Variants in HARBI1 observed in about 807,000 individuals in gnomAD.
HARBI1 encodes the protein harbinger transposase derived 1.
Under a neutral mutation model 25.3 loss-of-function variants are expected in HARBI1, and 15 were observed. That is an observed-to-expected ratio of 0.59 (90% confidence interval 0.40 to 0.91). The LOEUF is 0.91. Ranked by LOEUF, HARBI1 falls within the 40% of genes least tolerant of loss-of-function variation. The probability of loss-of-function intolerance (pLI) is 0.00; values close to 1 mark genes in which losing one functional copy is unlikely to be tolerated. For missense variants in HARBI1, 396 were observed against 445.8 expected, an observed-to-expected ratio of 0.89 and a Z score of 1.01; for synonymous variants, 168 against 160.5, an observed-to-expected ratio of 1.05 and a Z score of -0.35.
Position 46,603,542 on chromosome 11 carries a change from A to G in HARBI1, c.1038T>C (p.Thr346=). 6.3e-7 allele frequency: 1 copy of G among 1,588,466 alleles called. No individual in the cohort carries two copies. The highest frequency in any genetic ancestry group is 8.6e-7 in the Non-Finnish European group (1 of 1,164,866). ...ADRIRQELML[T]HFS ...TCCACCTTCTACATTAGCTAAAATG[A>G]GTGAGCATTAGCTCCTGACGAATAC... Residue 346 remains threonine, a synonymous_variant, in exon 3 of 3, where the codon ACT becomes ACC. Coordinates refer to ENST00000326737, the MANE Select transcript of HARBI1 (RefSeq NM_173811.4).
chr11:46,604,856 G>A (rs986012701), intron 2 of HARBI1, among the ~76,000 whole-genome samples: 3 of 152,142 alleles, frequency 2.0e-5, no homozygotes, highest in African/African-American at 7.2e-5. Flanking sequence ...AATGAATTCA[G>A]AAGTCAATTA....
At chr11:46,611,775 A>AAGT (rs918090035) in intron 2 of HARBI1, among the ~76,000 whole-genome samples, 3 of 152,090 alleles carry the variant, frequency 2.0e-5, no homozygotes, top group Non-Finnish European at 4.4e-5. Flanking sequence ...CTTGGAACCC[A>AAGT]AGTACTCCCA....
chr11:46,615,588 T>C lies in HARBI1; in HGVS notation c.650A>G (p.His217Arg). 2 of 1,614,046 alleles carry C rather than the reference T, an allele frequency of 1.2e-6. No homozygotes were observed. Among genetic ancestry groups the C allele is most frequent in the Non-Finnish European group, 1.7e-6 (2 of 1,179,942 alleles). Residue 217 changes from histidine to arginine, a missense_variant, in exon 2 of 3, where the codon CAC becomes CGC. Coordinates refer to ENST00000326737, the MANE Select transcript of HARBI1 (RefSeq NM_173811.4). ...SLSSQFEAGMHKDSWLLGDSS... is the reference protein window; with the variant it reads ...SLSSQFEAGMRKDSWLLGDSS... ...CTTACCCAGAAGCCAGCTATCTTTGTGCATACCCGCTTCAAACTGACTACT... is the reference window on the plus strand; with the variant it reads ...CTTACCCAGAAGCCAGCTATCTTTGCGCATACCCGCTTCAAACTGACTACT...
intron 1 of HARBI1, chr11:46,616,862 A>AAAAC (rs34525634): frequency 1.1e-6 from 1 of 909,012 alleles, no homozygotes; most frequent in Admixed American, 7.0e-5. Flanking sequence ...AAAAAAAAAA[A>AAAAC]CAACCAAAGT....
At chr11:46,616,900 T>C (rs1565364848) in intron 1 of HARBI1, 1 of 967,354 alleles carries the variant, frequency 1.0e-6, no homozygotes, top group Non-Finnish European at 1.2e-6. Context: ...GGACGTACAC[T>C]GTGTGCTGTA....
At chr11:46,610,745 T>C (rs2045148918) in intron 2 of HARBI1, among the ~76,000 whole-genome samples, 1 of 152,188 alleles carries the variant, frequency 6.6e-6, no homozygotes, top group South Asian at 2.1e-4. Flanking sequence ...GAGAGGGGCA[T>C]CAGAAAAGTT....
Position 46,616,167 on chromosome 11 carries a change from C to T in HARBI1, c.71G>A (p.Arg24His), listed in dbSNP as rs914599692. 3.1e-6 allele frequency: 5 copies of T among 1,613,794 alleles called. No homozygotes were observed. Among genetic ancestry groups the T allele is most frequent in the Non-Finnish European group, 4.2e-6 (5 of 1,180,044 alleles). ...ATCAGTCACATCATCCAGCTTAAAA[C>T]GGTCCAATGTCCGGTGACCACGGCC... Reference protein sequence around the residue: ...LYGRGHRTLDRFKLDDVTDEY... With the variant: ...LYGRGHRTLDHFKLDDVTDEY... The change falls in exon 2 of 3, where the codon CGT becomes CAT. Residue 24 changes from arginine (R) to histidine (H), a missense_variant. By Grantham distance (29) the Arg-to-His change is conservative. Coordinates refer to ENST00000326737, the MANE Select transcript of HARBI1 (RefSeq NM_173811.4).
rs371969577 is a variant in HARBI1, at chr11:46,603,561, C to T, written c.1019G>A (p.Arg340His). 15 of 1,607,536 alleles carry T rather than the reference C, an allele frequency of 9.3e-6. No homozygotes were observed. The highest frequency in any genetic ancestry group is 2.2e-5 in the East Asian group (1 of 44,806). ...AAAATGAGTGAGCATTAGCTCCTGA[C>T]GAATACGGTCAGCCTCTAAGTCCAG... ...ESLDLEADRI[R>H]QELMLTHFS Residue 340 changes from arginine (R) to histidine (H), a missense_variant, in exon 3 of 3, where the codon CGT (arginine) becomes CAT (histidine). Physicochemically the swap from Arg to His is conservative, Grantham distance 29. Transcript: ENST00000326737.
At position 46,603,578 on chromosome 11, in the gene HARBI1, T is replaced by C. The variant is rs2044831325; in HGVS notation, c.1002A>G (p.Leu334=). The C allele has an allele frequency of 6.2e-7, 1 of 1,613,022 alleles. No homozygotes were observed. Among genetic ancestry groups the C allele is most frequent in the Non-Finnish European group, 8.5e-7 (1 of 1,179,310 alleles). ...EEYEHMESLD[L]EADRIRQELM... is the part of the protein sequence containing the mutation. ...GCTCCTGACGAATACGGTCAGCCTC[T>C]AAGTCCAGGGACTCCATGTGCTCAT... The change falls in exon 3 of 3, where the codon TTA becomes TTG. Residue 334 remains leucine (L), a synonymous_variant. Transcript: ENST00000326737.
rs769693436 is a variant in HARBI1 at position 46,615,914 on chromosome 11, A to G, written c.324T>C (p.Thr108=). The part of the protein sequence containing the change: ...ASMSRCVANV[T]EALVERASQF... Reference sequence around the variant, plus strand: ...GTGAGGCCCTTTCCACAAGTGCTTCAGTGACATTGGCAACACAACGACTCA... The same window carrying G: ...GTGAGGCCCTTTCCACAAGTGCTTCGGTGACATTGGCAACACAACGACTCA... The change falls in exon 2 of 3, where the codon ACT becomes ACC. Residue 108 remains threonine, a synonymous_variant. Coordinates refer to ENST00000326737, the MANE Select transcript of HARBI1 (RefSeq NM_173811.4). 6 of 1,614,202 alleles carry G rather than the reference A, an allele frequency of 3.7e-6. No individual in the cohort carries two copies. The Admixed American group carries it at 1.0e-4, about 27-fold the overall frequency.
chr11:46,613,180 A>G (rs2045251280), intron 2 of HARBI1, among the ~76,000 whole-genome samples: 2 of 151,684 alleles, frequency 1.3e-5, no homozygotes, highest in Admixed American at 1.3e-4. Flanking sequence ...GGGTTTGACC[A>G]TGTCGGCCAG....
At chr11:46,616,783 A>G in intron 1 of HARBI1, 1 of 975,926 alleles carries the variant, frequency 1.0e-6, no homozygotes, top group Non-Finnish European at 1.2e-6. Flanking sequence ...TGACAAATAC[A>G]GGACAGATGC....
Position 46,606,888 on chromosome 11 carries a change from C to T in HARBI1, c.671-2979G>A, listed in dbSNP as rs555055286. On this transcript the variant is annotated intron_variant, in intron 2 of 2. Transcript: ENST00000326737. ...AACTCCTGGCCTCAAGCATTCCTCC[C>T]GCTTCAGGAGGAACTCCCACCTGCT... is the stretch of plus-strand genomic sequence containing the variant. 1.6e-4 allele frequency among the ~76,000 whole-genome samples: 24 copies of T among 152,316 alleles called. 1 individual carries two copies. The highest frequency in any genetic ancestry group is 8.3e-4 in the South Asian group (4 of 4,832).
intron 2 of HARBI1, among the ~76,000 whole-genome samples, chr11:46,614,764 G>A (rs1477343427): frequency 6.6e-6 from 1 of 152,046 alleles, no homozygotes; most frequent in East Asian, 1.9e-4. Context: ...CTAACAGTAT[G>A]CTTTAAAGTT....
chr11:46,603,478 A>C lies in HARBI1; in HGVS notation c.*52T>G. ...TGGAACTGTGTAAAAGGTGATGAGG[A>C]GGAAAGTCTGTCACAACTCCTGGGA... On this transcript the variant is annotated 3_prime_UTR_variant, in exon 3 of 3. Transcript: ENST00000326737. The C allele has an allele frequency of 6.7e-7, 1 of 1,488,242 alleles. No individual in the cohort carries two copies. Among genetic ancestry groups the C allele is most frequent in the Non-Finnish European group, 9.1e-7 (1 of 1,099,676 alleles). 92.2% of individuals were successfully genotyped at this position (1,488,242 alleles called of 1,614,324 possible).
In HARBI1 at chr11:46,615,967, C is replaced by G. The variant is rs749994307; in HGVS notation, c.271G>C (p.Asp91His). The G allele has an allele frequency of 1.9e-6, 3 of 1,614,076 alleles. No individual in the cohort carries two copies. Among genetic ancestry groups the G allele is most frequent in the African/African-American group, 1.3e-5 (1 of 74,918 alleles). The stretch of plus-strand genomic sequence containing the variant: ...GACGCCTGACTGATTCCAATGGCAT[C>G]TCCCATCCGAGTCTGGAAGGAACCT... ...TSGSFQTRMG[D>H]AIGISQASMS... The change falls in exon 2 of 3, where the codon GAT becomes CAT. Residue 91 changes from aspartate to histidine, a missense_variant. By Grantham distance (81) the Asp-to-His change is moderately conservative. Coordinates refer to ENST00000326737, the MANE Select transcript of HARBI1 (RefSeq NM_173811.4).
intron 2 of HARBI1, among the ~76,000 whole-genome samples, chr11:46,606,253 A>G (rs55661562): frequency 6.6e-6 from 1 of 152,014 alleles, no homozygotes; most frequent in Non-Finnish European, 1.5e-5. Context: ...TGCTATAAAT[A>G]ATAATGAAAA....
chr11:46,610,019 ATTTTTGTAT>A (rs2045112586), intron 2 of HARBI1, among the ~76,000 whole-genome samples: 1 of 151,138 alleles, frequency 6.6e-6, no homozygotes, highest in South Asian at 2.1e-4. Context: ...TGCCTGGGTA[ATTTTTGTAT>A]TTTTTGTAGA....
At chr11:46,616,625 G>A in intron 1 of HARBI1, 1 of 1,012,558 alleles carries the variant, frequency 9.9e-7, no homozygotes, top group Non-Finnish European at 1.2e-6. Context: ...AACACCAAAA[G>A]AATAATGGAG....
Sources: gnomAD v4.1 joint callset for allele counts (sites outside exome capture counted in the v4.1 genomes callset) on GRCh38, gnomAD v4.1.1 for gene constraint, MANE v1.5 for transcripts, NCBI Gene and HGNC (gene_info 2026-07-23, HGNC 2026-07-21) for gene names.